The following ZCWPW2 variants were observed in gnomAD, a reference collection of about 807,000 sequenced individuals.
ZCWPW2 encodes zinc finger CW-type and PWWP domain containing 2, also known as zinc finger CW-type PWWP domain protein 2.
ZCWPW2 carries 45 observed loss-of-function variants against 46.6 expected under a neutral mutation model. The ratio of observed to expected loss-of-function variants is 0.96; its 90% confidence interval spans 0.76 to 1.24. ZCWPW2 has a LOEUF of 1.24. ZCWPW2 is among the 50% of genes most tolerant of loss of function. The probability of loss-of-function intolerance (pLI) is 0.00; values close to 1 mark genes in which losing one functional copy is unlikely to be tolerated. For synonymous variants in ZCWPW2, 152 were observed against 137.1 expected (o/e 1.11, Z -0.76); for missense variants, 429 against 403.9 (o/e 1.06, Z -0.53).
At chr3:28,352,137 C>CAT (rs368764537) in intron 1 of ZCWPW2, among the ~76,000 whole-genome samples, 30,069 of 146,726 alleles carry the variant, frequency 0.2, 3,483 homozygotes, top group Admixed American at 0.28. Context: ...CACACACACA[C>CAT]ACACACACAC....
intron 2 of ZCWPW2, among the ~76,000 whole-genome samples, chr3:28,410,549 A>G (rs933572733): frequency 3.3e-5 from 5 of 152,000 alleles, no homozygotes; most frequent in African/African-American, 1.2e-4. Flanking sequence ...TTAAAAATCA[A>G]TAATAAAATC....
Position 28,474,464 on chromosome 3 carries a change from G to A in ZCWPW2, c.493-4350G>A, listed in dbSNP as rs1014568565. On this transcript the variant is annotated intron_variant, in intron 4 of 9. Transcript: ENST00000383768. ...ACAGCGTATTAGGAACAACCTAAGT[G>A]TCCATCAGTTGAGCATTGTCAAATA... Among the ~76,000 whole-genome samples, 27 of 152,096 alleles carry A rather than the reference G, an allele frequency of 1.8e-4. 1 individual carries two copies. The highest frequency in any genetic ancestry group is 6.5e-4 in the African/African-American group (27 of 41,428).
intron 1 of ZCWPW2, among the ~76,000 whole-genome samples, chr3:28,374,914 G>A (rs1435706485): frequency 1.3e-5 from 2 of 152,008 alleles, no homozygotes; most frequent in Non-Finnish European, 1.5e-5. Flanking sequence ...TACCAAGAGT[G>A]AGGTGTTAAA....
At chr3:28,410,312 A>G (rs535791382) in intron 2 of ZCWPW2, among the ~76,000 whole-genome samples, 2 of 152,170 alleles carry the variant, frequency 1.3e-5, no homozygotes, top group African/African-American at 4.8e-5. Flanking sequence ...TTTAGTATGG[A>G]TAGAGAAAAT....
intron 9 of ZCWPW2, among the ~76,000 whole-genome samples, chr3:28,522,099 C>T (rs897365044): frequency 3.9e-5 from 6 of 152,090 alleles, no homozygotes; most frequent in African/African-American, 1.4e-4. Context: ...GAACATCACA[C>T]ACTGGGGCCT....
At chr3:28,494,290 C>T (rs1241677146) in intron 6 of ZCWPW2, among the ~76,000 whole-genome samples, 8 of 82,232 alleles carry the variant, frequency 9.7e-5, no homozygotes, top group South Asian at 5.4e-4. Context: ...TTAGGTCTAA[C>T]GTTTAAATCT....
intron 3 of ZCWPW2, among the ~76,000 whole-genome samples, chr3:28,423,734 T>G (rs1696893821): frequency 6.6e-6 from 1 of 152,128 alleles, no homozygotes; most frequent in Non-Finnish European, 1.5e-5. Context: ...TTCCAACACT[T>G]GCAGATTTTG....
intron 2 of ZCWPW2, among the ~76,000 whole-genome samples, chr3:28,402,572 A>T (rs539269456): frequency 6.6e-6 from 1 of 152,280 alleles, no homozygotes; most frequent in East Asian, 1.9e-4. Context: ...TATCACCCTA[A>T]TACCAAAACG....
intron 6 of ZCWPW2, among the ~76,000 whole-genome samples, chr3:28,503,651 G>T (rs925489893): frequency 1.3e-5 from 2 of 151,912 alleles, no homozygotes; most frequent in African/African-American, 4.8e-5. Flanking sequence ...TATTCTGCTT[G>T]CAAAGGGGAG....
intron 2 of ZCWPW2, among the ~76,000 whole-genome samples, chr3:28,411,449 G>A (rs1049951928): frequency 4.0e-5 from 6 of 151,486 alleles, no homozygotes; most frequent in Non-Finnish European, 8.8e-5. Flanking sequence ...AACATTCGAA[G>A]CATTCTCTTT....
chr3:28,430,831 A>G (rs1022448948), intron 3 of ZCWPW2, among the ~76,000 whole-genome samples: 2 of 152,084 alleles, frequency 1.3e-5, no homozygotes, highest in African/African-American at 2.4e-5. Context: ...TCCTGCTGCC[A>G]TGTGAAGAAG....
At chr3:28,511,842 CT>C (rs1411816327) in intron 6 of ZCWPW2, among the ~76,000 whole-genome samples, 1 of 152,002 alleles carries the variant, frequency 6.6e-6, no homozygotes, top group Non-Finnish European at 1.5e-5. Context: ...AATCTTCTTC[CT>C]CCAAAGTACA....
At chr3:28,411,650 C>A (rs1696403549) in intron 2 of ZCWPW2, among the ~76,000 whole-genome samples, 1 of 152,024 alleles carries the variant, frequency 6.6e-6, no homozygotes. Flanking sequence ...AACCTGGCTC[C>A]AAAGTCTAAC....
chr3:28,467,688 C>G (rs1698878058), intron 4 of ZCWPW2, among the ~76,000 whole-genome samples: 1 of 152,164 alleles, frequency 6.6e-6, no homozygotes, highest in Admixed American at 6.6e-5. Context: ...GAACATGAGT[C>G]TCTGCCTGAT....
intron 6 of ZCWPW2, among the ~76,000 whole-genome samples, chr3:28,496,578 A>T (rs1400625491): frequency 6.6e-6 from 1 of 151,930 alleles, no homozygotes; most frequent in African/African-American, 2.4e-5. Flanking sequence ...TTAAGATTTG[A>T]ATGTTAATTT....
chr3:28,439,820 C>T (rs1697673669), intron 4 of ZCWPW2, among the ~76,000 whole-genome samples: 1 of 152,164 alleles, frequency 6.6e-6, no homozygotes, highest in African/African-American at 2.4e-5. Context: ...CAAGTGTATA[C>T]ATGAACGAAC....
At chr3:28,370,225 A>G (rs577263032) in intron 1 of ZCWPW2, among the ~76,000 whole-genome samples, 2 of 152,306 alleles carry the variant, frequency 1.3e-5, no homozygotes, top group South Asian at 4.1e-4. Flanking sequence ...GGAAATGCAG[A>G]AATCACCCGT....
intron 4 of ZCWPW2, chr3:28,461,761 T>C (rs143112250): frequency 6.9e-4 from 105 of 152,258 alleles, no homozygotes; most frequent in African/African-American, 2.3e-3. Flanking sequence ...GAATAAGACA[T>C]GTAATAAATA....
chr3:28,511,100 C>A (rs974723043), intron 6 of ZCWPW2: 1 of 455,146 alleles, frequency 2.2e-6, no homozygotes, highest in African/African-American at 2.0e-5. Context: ...TGAAAAGGAT[C>A]AACACTGGAG....
Sources: gnomAD v4.1 joint callset for allele counts (sites outside exome capture counted in the v4.1 genomes callset) on GRCh38, gnomAD v4.1.1 for gene constraint, MANE v1.5 for transcripts, NCBI Gene and HGNC (gene_info 2026-07-23, HGNC 2026-07-21) for gene names.